The following PIK3C2B variants were observed in gnomAD, a reference collection of about 807,000 sequenced individuals.
PIK3C2B encodes the protein phosphatidylinositol-4-phosphate 3-kinase catalytic subunit type 2 beta.
Under a neutral mutation model 184.3 loss-of-function variants are expected in PIK3C2B, and 83 were observed. That is an observed-to-expected ratio of 0.45 (90% confidence interval 0.38 to 0.54). PIK3C2B has a LOEUF of 0.54. Ranked by LOEUF, PIK3C2B falls within the 20% of genes least tolerant of loss-of-function variation. The pLI is 0.00. For synonymous variants in PIK3C2B, 779 were observed against 837.6 expected, an observed-to-expected ratio of 0.93 and a Z score of 1.21; for missense variants, 1,736 against 2,113.5, an observed-to-expected ratio of 0.82 and a Z score of 3.50.
At chr1:204,465,645 G>A (rs1456574666) in intron 2 of PIK3C2B, among the ~76,000 whole-genome samples, 2 of 152,100 alleles carry the variant, frequency 1.3e-5, no homozygotes, top group African/African-American at 4.8e-5. Context: ...CTGCAACACG[G>A]GCTTTCCGGG....
intron 5 of PIK3C2B, among the ~76,000 whole-genome samples, chr1:204,461,409 G>A (rs544175862): frequency 6.6e-6 from 1 of 152,260 alleles, no homozygotes; most frequent in Non-Finnish European, 1.5e-5. Flanking sequence ...GGAAACCCAA[G>A]AGGAGGGGCA....
chr1:204,449,379 C>A, intron 13 of PIK3C2B, 83 bp from the exon 14 acceptor site: 1 of 1,060,638 alleles, frequency 9.4e-7, no homozygotes, highest in East Asian at 2.6e-5. Context: ...CAAAAATCTG[C>A]CTTTTCTGTT....
In PIK3C2B at chr1:204,447,425, C is replaced by T. The variant is rs1286434597; in HGVS notation, c.2489+11G>A. ...GAAACATGACAGATTCAGTGGGGGC[C>T]CGGGTCTCACCAGTACAAGGACTCT... On this transcript the variant is annotated intron_variant, in intron 15 of 32. Transcript: ENST00000684373. This position sits in a 1 kb window ranked among gnomAD's most constrained non-coding sequence, Gnocchi z 4.1. The T allele has an allele frequency of 6.2e-7, 1 of 1,610,910 alleles. No individual in the cohort carries two copies. The highest frequency in any genetic ancestry group is 8.5e-7 in the Non-Finnish European group (1 of 1,177,714).
At position 204,464,697 on chromosome 1, in the gene PIK3C2B, G is replaced by A. The variant is rs563097865; in HGVS notation, c.1035-93C>T. 816 of 1,249,546 alleles carry A rather than the reference G, an allele frequency of 6.5e-4. 2 individuals are homozygous for A. Among genetic ancestry groups the A allele is most frequent in the Middle Eastern group, 2.7e-3 (12 of 4,408 alleles). The allele number at this position is 1,249,546 out of a possible 1,614,324, so 77.4% of individuals were successfully genotyped here. On this transcript the variant is annotated intron_variant, in intron 3 of 32. Transcript: ENST00000684373. ...GAACCTCATGCTCTGAGGCTCAAGA[G>A]CCCCTCTGTCCCCACTCAGCCCAGC...
chr1:204,445,890 T>C, intron 16 of PIK3C2B, 66 bp downstream of exon 16: 3 of 1,092,834 alleles, frequency 2.7e-6, no homozygotes, highest in Non-Finnish European at 3.8e-6. Context: ...AGATCACTGA[T>C]GGGCAGTGTC....
At chr1:204,454,892 C>T (rs1223078819) in intron 11 of PIK3C2B, 101 bp from the exon 12 acceptor site, 1 of 1,333,402 alleles carries the variant, frequency 7.5e-7, no homozygotes, top group South Asian at 1.4e-5. Context: ...CCTGGTAAAA[C>T]TCTCAGTCTC....
intron 2 of PIK3C2B, among the ~76,000 whole-genome samples, 184 bp downstream of exon 2, chr1:204,468,686 T>C (rs1297175559): frequency 6.6e-6 from 1 of 152,176 alleles, no homozygotes; most frequent in Non-Finnish European, 1.5e-5. Context: ...CTCCCTCTAC[T>C]GGTGTCCACC....
At chr1:204,474,425 C>A (rs1018101771) in intron 1 of PIK3C2B, among the ~76,000 whole-genome samples, 7 of 152,186 alleles carry the variant, frequency 4.6e-5, no homozygotes, top group African/African-American at 1.7e-4. Context: ...GTCTGCCCCC[C>A]ACATCCCACT....
At chr1:204,446,903 G>T (rs533341711) in intron 15 of PIK3C2B, among the ~76,000 whole-genome samples, 7 of 152,142 alleles carry the variant, frequency 4.6e-5, no homozygotes, top group Non-Finnish European at 8.8e-5. Flanking sequence ...GGTCCCTCCA[G>T]CTCCTCCAGT....
At chr1:204,479,667 T>C (rs1385817874) in intron 1 of PIK3C2B, among the ~76,000 whole-genome samples, 1 of 152,216 alleles carries the variant, frequency 6.6e-6, no homozygotes, top group African/African-American at 2.4e-5. Flanking sequence ...TCTACCATCC[T>C]CCTCAGCTTT....
chr1:204,429,796 A>T, intron 29 of PIK3C2B, 125 bp downstream of exon 29: 1 of 682,098 alleles, frequency 1.5e-6, no homozygotes, highest in East Asian at 2.5e-5. Flanking sequence ...TTGGTCATTC[A>T]GCCCACAGAC....
rs139611910 is a variant in PIK3C2B at position 204,451,946 on chromosome 1, G to T, written c.2067-1929C>A. ...CCTATTATCGCTACCATTCTAGGTT[G>T]AAAGACCTGCCCCAGGCTGCAACTA... On this transcript the variant is annotated intron_variant, in intron 12 of 32. Transcript: ENST00000684373. Among the ~76,000 whole-genome samples the T allele has an allele frequency of 2.0e-3, 304 of 152,326 alleles. 2 individuals carry two copies. Among genetic ancestry groups the T allele is most frequent in the Non-Finnish European group, 3.4e-3 (231 of 68,040 alleles).
At chr1:204,489,813 T>C (rs1657891857) in intron 1 of PIK3C2B, 1 of 398,118 alleles carries the variant, frequency 2.5e-6, no homozygotes, top group African/African-American at 2.1e-5. Flanking sequence ...AAAGAACTCA[T>C]ACCTGATTCT....
At chr1:204,431,640 T>G (rs942389346) in intron 28 of PIK3C2B, 29 bp downstream of exon 28, 1 of 1,613,028 alleles carries the variant, frequency 6.2e-7, no homozygotes, top group African/African-American at 1.3e-5. Flanking sequence ...CCGACATCCC[T>G]CTGTGCAGAT....
At chr1:204,430,095 G>A in intron 28 of PIK3C2B, 57 bp from the exon 29 acceptor site, 1 of 1,053,382 alleles carries the variant, frequency 9.5e-7, no homozygotes, top group Non-Finnish European at 1.4e-6. Flanking sequence ...GAAAGAAAAT[G>A]GACACAATGG....
rs931709321 is a variant in PIK3C2B, at chr1:204,424,791, A to G, written c.*61T>C. 1 of 1,537,632 alleles carries G rather than the reference A, an allele frequency of 6.5e-7. No individual in the cohort carries two copies. Among genetic ancestry groups the G allele is most frequent in the East Asian group, 2.2e-5 (1 of 44,544 alleles). ...TTCACAAGGAGGAGTCTCACAGGGG[A>G]GAGTCCTCTCCCCCAGCTCCTGCCA... On this transcript the variant is annotated 3_prime_UTR_variant, in exon 33 of 33. Coordinates refer to ENST00000684373, the MANE Select transcript of PIK3C2B (RefSeq NM_001377334.1).
At chr1:204,448,848 C>A (rs1364299957) in intron 14 of PIK3C2B, among the ~76,000 whole-genome samples, 1 of 152,030 alleles carries the variant, frequency 6.6e-6, no homozygotes, top group Non-Finnish European at 1.5e-5. Context: ...CCCTCAGGCC[C>A]CAAGAGGACC....
intron 5 of PIK3C2B, among the ~76,000 whole-genome samples, chr1:204,462,788 T>A (rs1412622314): frequency 6.6e-6 from 1 of 152,190 alleles, no homozygotes; most frequent in African/African-American, 2.4e-5. Context: ...GCACAGTGGC[T>A]CACACCTGTA....
intron 12 of PIK3C2B, 163 bp from the exon 13 acceptor site, chr1:204,450,180 T>C: frequency 1.7e-6 from 1 of 591,498 alleles, no homozygotes; most frequent in Non-Finnish European, 2.9e-6. Context: ...CCAGGAGAGG[T>C]CCCAAACTAG....
Sources: gnomAD v4.1 joint callset for allele counts (sites outside exome capture counted in the v4.1 genomes callset) on GRCh38, gnomAD v4.1.1 for gene constraint, Gnocchi (gnomAD v3.1) non-coding constraint, MANE v1.5 for transcripts, NCBI Gene and HGNC (gene_info 2026-07-23, HGNC 2026-07-21) for gene names.